L3HYPDH: variants seen among roughly 807,000 people sequenced by gnomAD.
L3HYPDH encodes trans-L-3-hydroxyproline dehydratase.
In L3HYPDH, 32 loss-of-function variants were observed where a neutral mutation model predicts 26.5. The ratio of observed to expected loss-of-function variants is 1.21; its 90% CI spans 0.91 to 1.62. The LOEUF is 1.62. Ranked by LOEUF, L3HYPDH falls within the 40% of genes most tolerant of loss-of-function variation. L3HYPDH has a pLI of 0.00. For missense variants in L3HYPDH, 554 were observed against 476.4 expected (o/e 1.16, Z -1.52); for synonymous variants, 215 against 196.6 (o/e 1.09, Z -0.78).
the L3HYPDH span, chr14:59,504,070 T>C: frequency 2.4e-5 from 39 of 1,602,506 alleles, 1 homozygote; most frequent in South Asian, 6.6e-5. Flanking sequence ...CAATGGACAC[T>C]GAGTGTAGAC....
At chr14:59,474,788 C>T in intron 4 of L3HYPDH, 2 of 354,338 alleles carry the variant, frequency 5.6e-6, no homozygotes, top group East Asian at 4.4e-5. Flanking sequence ...AGCTTGGAAA[C>T]TGATGCACAG....
At chr14:59,504,965 G>GT in the L3HYPDH span, 1 of 241,140 alleles carries the variant, frequency 4.1e-6, no homozygotes, top group Non-Finnish European at 7.9e-6. Flanking sequence ...TGTGATAGGT[G>GT]TTCTGTGATG....
upstream of L3HYPDH, chr14:59,486,822 A>G (rs767654522): frequency 7.1e-7 from 1 of 1,404,002 alleles, no homozygotes; most frequent in Non-Finnish European, 9.8e-7. Flanking sequence ...TTATGTTTGT[A>G]TCTTATTTCA....
intron 1 of L3HYPDH, among the ~76,000 whole-genome samples, chr14:59,467,540 C>T (rs1163044542): frequency 1.3e-5 from 2 of 152,218 alleles, no homozygotes; most frequent in Admixed American, 6.5e-5. Context: ...TCCTCTTCCA[C>T]CTGCCTTTAC....
At chr14:59,471,261 T>C (rs575469492), downstream of L3HYPDH, among the ~76,000 whole-genome samples, 21 of 152,320 alleles carry the variant, frequency 1.4e-4, no homozygotes, top group African/African-American at 4.6e-4. Flanking sequence ...TCAAGAAATA[T>C]AACATTCTTA....
the L3HYPDH span, among the ~76,000 whole-genome samples, chr14:59,496,886 G>A: frequency 1.3e-5 from 2 of 152,038 alleles, no homozygotes; most frequent in South Asian, 2.1e-4. Flanking sequence ...GTATCTTATA[G>A]CATTGGGTTT....
intron 4 of L3HYPDH, among the ~76,000 whole-genome samples, chr14:59,475,395 A>G (rs550080963): frequency 5.3e-5 from 8 of 152,302 alleles, no homozygotes; most frequent in African/African-American, 1.7e-4. Flanking sequence ...ATACATTAAC[A>G]TATGAATAAC....
At chr14:59,498,706 ATTCT>A in the L3HYPDH span, 4 of 1,269,358 alleles carry the variant, frequency 3.2e-6, no homozygotes, top group South Asian at 1.4e-5. Context: ...GATGTTACAA[ATTCT>A]TTATTTTATT....
chr14:59,482,730 G>C (rs1253103), intron 1 of L3HYPDH, among the ~76,000 whole-genome samples: 73,944 of 152,092 alleles, frequency 0.49, 19,840 homozygotes, highest in African/African-American at 0.72. Context: ...TGTTCTATCA[G>C]TTATCATTCA....
chr14:59,484,081 A>G lies in L3HYPDH; in HGVS notation c.236T>C (p.Val79Ala). The change falls in exon 1 of 5, where the codon GTC becomes GCC. Residue 79 changes from valine to alanine, a missense_variant. By Grantham distance (64) the Val-to-Ala change is moderately conservative. Transcript: ENST00000247194. ...PRGHRDMYGA[V>A]LVPSELPDAH... ...GTCCGGCAGCTCGCTCGGGACTAGG[A>G]CCGCCCCGTACATGTCCCGGTGCCC... 1 of 1,606,758 alleles carries G rather than the reference A, an allele frequency of 6.2e-7. No homozygotes were observed. Among genetic ancestry groups the G allele is most frequent in the Non-Finnish European group, 8.5e-7 (1 of 1,179,516 alleles).
upstream of L3HYPDH, chr14:59,485,065 A>C: frequency 6.3e-7 from 1 of 1,598,474 alleles, no homozygotes; most frequent in Non-Finnish European, 8.5e-7. Flanking sequence ...TCGTTCGCTA[A>C]AGGAAATGAA....
At chr14:59,502,773 T>TGTTTTTGTTTTTTTTTTTTTTG in the L3HYPDH span, among the ~76,000 whole-genome samples, 4 of 102,836 alleles carry the variant, frequency 3.9e-5, no homozygotes, top group Non-Finnish European at 7.4e-5. Context: ...TTTTTTTTTT[T>TGTTTTTGTTTTTTTTTTTTTTG]CGGAGTCTCA....
the L3HYPDH span, among the ~76,000 whole-genome samples, chr14:59,490,067 C>T: frequency 7.2e-4 from 110 of 152,140 alleles, no homozygotes; most frequent in Non-Finnish European, 1.4e-3. Flanking sequence ...GGACTACAGG[C>T]GTGTACCACC....
chr14:59,499,916 T>C, the L3HYPDH span, among the ~76,000 whole-genome samples: 1 of 152,200 alleles, frequency 6.6e-6, no homozygotes, highest in African/African-American at 2.4e-5. Context: ...CTGGCTACCC[T>C]CTCTGTCTTT....
the L3HYPDH span, among the ~76,000 whole-genome samples, chr14:59,492,797 AT>A: frequency 0.013 from 1,689 of 131,948 alleles, 16 homozygotes; most frequent in Middle Eastern, 0.042. Context: ...GAGAGCTGCT[AT>A]TTTTTTTTTT....
chr14:59,472,193 G>C (rs1343045508), downstream of L3HYPDH, among the ~76,000 whole-genome samples: 1 of 152,198 alleles, frequency 6.6e-6, no homozygotes, highest in Non-Finnish European at 1.5e-5. Context: ...CCAATAGTAA[G>C]CATTTATTTC....
At chr14:59,487,760 T>C, upstream of L3HYPDH, 1 of 1,613,520 alleles carries the variant, frequency 6.2e-7, no homozygotes. Flanking sequence ...GGCTCTATCT[T>C]GGATTTATGG....
At chr14:59,481,338 C>T (rs1206942998) in intron 1 of L3HYPDH, among the ~76,000 whole-genome samples, 2 of 152,166 alleles carry the variant, frequency 1.3e-5, no homozygotes, top group African/African-American at 2.4e-5. Context: ...TAATTCATTA[C>T]ATTAGTGCCT....
At chr14:59,503,961 G>A in the L3HYPDH span, 44 of 1,613,640 alleles carry the variant, frequency 2.7e-5, no homozygotes, top group Middle Eastern at 3.3e-4. Context: ...ATAAACTTGA[G>A]CAAGATTTGC....
Sources: gnomAD v4.1 joint callset for allele counts (sites outside exome capture counted in the v4.1 genomes callset) on GRCh38, gnomAD v4.1.1 for gene constraint, MANE v1.5 for transcripts, NCBI Gene and HGNC (gene_info 2026-07-23, HGNC 2026-07-21) for gene names.